TNFRSF21: variants seen among roughly 807,000 people sequenced by gnomAD.
TNFRSF21 encodes the protein tumor necrosis factor receptor superfamily member 21.
In TNFRSF21, 19 loss-of-function variants were observed where a neutral mutation model predicts 45.6. The observed-to-expected ratio is 0.42, with a 90% CI of 0.29 to 0.61. The LOEUF (loss-of-function observed/expected upper bound fraction) is 0.61, where lower values mean the gene tolerates loss of function less well. Ranked by LOEUF, TNFRSF21 falls within the 20% of genes least tolerant of loss-of-function variation. The probability of loss-of-function intolerance (pLI) is 0.23; values close to 1 mark genes in which losing one functional copy is unlikely to be tolerated. For synonymous variants in TNFRSF21, 314 were observed against 335.5 expected, an observed-to-expected ratio of 0.94 and a Z score of 0.70; for missense variants, 737 against 851.5, an observed-to-expected ratio of 0.87 and a Z score of 1.67.
chr6:47,248,178 C>G (rs201880282), intron 4 of TNFRSF21, among the ~76,000 whole-genome samples: 1 of 152,150 alleles, frequency 6.6e-6, no homozygotes, highest in Non-Finnish European at 1.5e-5. Flanking sequence ...TGAAGGGATG[C>G]TGAAACTCTA....
intron 1 of TNFRSF21, among the ~76,000 whole-genome samples, chr6:47,308,537 T>C (rs1254442275): frequency 6.6e-6 from 1 of 152,146 alleles, no homozygotes; most frequent in African/African-American, 2.4e-5. Flanking sequence ...TTGGGGGAAG[T>C]TGAGGGTAAG....
chr6:47,286,215 T>C lies in TNFRSF21; in HGVS notation c.477A>G (p.Lys159=). The C allele has an allele frequency of 6.2e-7, 1 of 1,614,214 alleles. No homozygotes were observed. Among genetic ancestry groups the C allele is most frequent in the Non-Finnish European group, 8.5e-7 (1 of 1,180,032 alleles). Residue 159 remains lysine (K), a synonymous_variant, in exon 2 of 6, where the codon AAA becomes AAG. Coordinates refer to ENST00000296861, the MANE Select transcript of TNFRSF21 (RefSeq NM_014452.5). The stretch of plus-strand genomic sequence containing the variant: ...ACCGCACATCCTCAGTCTCTGTCCC[T>C]TTCTTCCGCACACCCCAACCCACAG... The part of the protein sequence containing the change: ...VCPVGWGVRK[K]GTETEDVRCK...
At chr6:47,243,881 C>T (rs1764785060) in intron 4 of TNFRSF21, among the ~76,000 whole-genome samples, 1 of 151,530 alleles carries the variant, frequency 6.6e-6, no homozygotes, top group African/African-American at 2.4e-5. Flanking sequence ...TAGATCTCCT[C>T]ACTCTTTTGC....
Position 47,284,033 on chromosome 6 carries a change from T to C in TNFRSF21, c.1148A>G (p.Gln383Arg), listed in dbSNP as rs367859062. 1.2e-6 allele frequency: 2 copies of C among 1,614,110 alleles called. No homozygotes were observed. The highest frequency in any genetic ancestry group is 2.7e-5 in the African/African-American group (2 of 74,942). Residue 383 changes from glutamine to arginine, a missense_variant, in exon 3 of 6, where the codon CAG becomes CGG. Gln to Arg is a conservative substitution (Grantham distance 43). Coordinates refer to ENST00000296861, the MANE Select transcript of TNFRSF21 (RefSeq NM_014452.5). ...CTTTTCCACAATGGCACTGGGATCC[T>C]GCCGGGGCCCCTTTTTCAGAGTCCT... is the stretch of plus-strand genomic sequence containing the variant. ...SSRTLKKGPR[Q>R]DPSAIVEKAG... is the part of the protein sequence containing the mutation.
intron 3 of TNFRSF21, among the ~76,000 whole-genome samples, chr6:47,274,833 T>C (rs571455169): frequency 5.7e-4 from 86 of 152,074 alleles, no homozygotes; most frequent in Non-Finnish European, 1.1e-3. Context: ...GCAAAGGATA[T>C]GAACAGACAC....
chr6:47,274,298 A>G (rs1019874059), intron 3 of TNFRSF21, among the ~76,000 whole-genome samples: 19 of 152,214 alleles, frequency 1.2e-4, no homozygotes, highest in Non-Finnish European at 2.8e-4. Context: ...TATATAGACC[A>G]ATGGAACAGA....
At chr6:47,256,445 G>A (rs1220869912) in intron 3 of TNFRSF21, among the ~76,000 whole-genome samples, 6 of 152,158 alleles carry the variant, frequency 3.9e-5, no homozygotes, top group Non-Finnish European at 7.4e-5. Context: ...GATTGCTTGA[G>A]CCCCAGAGGG....
intron 1 of TNFRSF21, among the ~76,000 whole-genome samples, chr6:47,292,902 G>A (rs1762747618): frequency 6.6e-6 from 1 of 152,034 alleles, no homozygotes; most frequent in South Asian, 2.1e-4. Context: ...TATCCAAAGG[G>A]GACTGTCCAT....
intron 1 of TNFRSF21, among the ~76,000 whole-genome samples, chr6:47,288,029 A>G (rs1404381322): frequency 6.6e-6 from 1 of 152,242 alleles, no homozygotes; most frequent in Non-Finnish European, 1.5e-5. Context: ...GCTATGACCC[A>G]GAAATCCTAC....
chr6:47,295,636 A>T (rs1036582954), intron 1 of TNFRSF21, among the ~76,000 whole-genome samples: 2 of 152,180 alleles, frequency 1.3e-5, no homozygotes, highest in Non-Finnish European at 2.9e-5. Flanking sequence ...CATCACATTA[A>T]ATGTGTAATA....
At chr6:47,307,009 C>G (rs1297995395) in intron 1 of TNFRSF21, among the ~76,000 whole-genome samples, 1 of 152,140 alleles carries the variant, frequency 6.6e-6, no homozygotes, top group African/African-American at 2.4e-5. Context: ...ATCATGAGAT[C>G]ATCATTTTAT....
chr6:47,265,377 G>T (rs1421836658), intron 3 of TNFRSF21, among the ~76,000 whole-genome samples: 2 of 140,878 alleles, frequency 1.4e-5, no homozygotes, highest in Non-Finnish European at 3.2e-5. Context: ...CAGTTTTTTT[G>T]TTTTGTTTTG....
chr6:47,261,890 T>G (rs714373), intron 3 of TNFRSF21, among the ~76,000 whole-genome samples: 1 of 152,020 alleles, frequency 6.6e-6, no homozygotes, highest in South Asian at 2.1e-4. Flanking sequence ...GGTTAAAAAT[T>G]TGTATACCAA....
At chr6:47,280,626 G>C (rs1416440588) in intron 3 of TNFRSF21, among the ~76,000 whole-genome samples, 2 of 152,160 alleles carry the variant, frequency 1.3e-5, no homozygotes, top group African/African-American at 4.8e-5. Flanking sequence ...CAGACGAGTA[G>C]GATCAGGCTT....
intron 3 of TNFRSF21, among the ~76,000 whole-genome samples, chr6:47,275,509 T>C (rs1471872810): frequency 6.6e-6 from 1 of 151,886 alleles, no homozygotes; most frequent in East Asian, 1.9e-4. Flanking sequence ...TGTTGGGGGG[T>C]GGCGGACTCG....
intron 3 of TNFRSF21, among the ~76,000 whole-genome samples, chr6:47,276,656 C>T (rs1033399908): frequency 1.3e-5 from 2 of 152,224 alleles, no homozygotes; most frequent in Admixed American, 6.5e-5. Context: ...TTTCACACTA[C>T]TACACTTTCA....
intron 3 of TNFRSF21, among the ~76,000 whole-genome samples, chr6:47,266,621 T>C (rs1014272159): frequency 6.6e-6 from 1 of 152,238 alleles, no homozygotes; most frequent in African/African-American, 2.4e-5. Context: ...ATCAAAGTTA[T>C]GCTAATAAGA....
At chr6:47,301,692 C>CT in intron 1 of TNFRSF21, among the ~76,000 whole-genome samples, 1 of 152,134 alleles carries the variant, frequency 6.6e-6, no homozygotes, top group Non-Finnish European at 1.5e-5. Flanking sequence ...CTTGCTCCCT[C>CT]TCTCACCATG....
At chr6:47,307,803 T>G (rs553853763) in intron 1 of TNFRSF21, among the ~76,000 whole-genome samples, 86 of 152,324 alleles carry the variant, frequency 5.6e-4, no homozygotes, top group African/African-American at 1.9e-3. Flanking sequence ...TATTGCACAA[T>G]GACTTAAGAT....
Sources: allele counts gnomAD v4.1 joint callset (sites outside exome capture counted in the v4.1 genomes callset), GRCh38; gene constraint gnomAD v4.1.1; transcripts MANE v1.5; gene names NCBI Gene and HGNC (gene_info 2026-07-23, HGNC 2026-07-21).